The following PTCHD1 variants were observed in gnomAD, a reference collection of about 807,000 sequenced individuals.
PTCHD1 encodes the protein patched domain containing 1.
In PTCHD1, 3 loss-of-function variants were observed where a neutral mutation model predicts 34.6. The observed-to-expected ratio is 0.09, with a 90% confidence interval of 0.04 to 0.22. The LOEUF (loss-of-function observed/expected upper bound fraction) is 0.22. PTCHD1 is among the 10% of genes least tolerant of loss of function. The pLI, the probability that PTCHD1 is intolerant of heterozygous loss-of-function variation, is 1.00. For synonymous variants in PTCHD1, 305 were observed against 283.1 expected (o/e 1.08, Z -0.77); for missense variants, 504 against 685.5 (o/e 0.74, Z 2.96).
At chrX:23,352,255 T>C (rs1386749364) in intron 1 of PTCHD1, among the ~76,000 whole-genome samples, 1 of 111,842 alleles carries the variant, frequency 8.9e-6, no homozygotes, top group Admixed American at 9.5e-5. Context: ...AAAATGAGTC[T>C]TGTCAAGTGC....
chrX:23,353,149 G>T (rs1421988303), intron 1 of PTCHD1, among the ~76,000 whole-genome samples: 1 of 112,432 alleles, frequency 8.9e-6, no homozygotes, highest in Non-Finnish European at 1.9e-5. Context: ...TCCAAATAAG[G>T]CCTGTCACAC....
chrX:23,379,501 G>A, intron 1 of PTCHD1, 90 bp from the exon 2 acceptor site: 1 of 938,782 alleles, frequency 1.1e-6, no homozygotes, highest in Non-Finnish European at 1.5e-6. Context: ...GATTTGAACT[G>A]TTTAGCTTAG....
chrX:23,369,519 G>GA (rs2146633731), intron 1 of PTCHD1, among the ~76,000 whole-genome samples: 1 of 111,540 alleles, frequency 9.0e-6, no homozygotes, highest in East Asian at 2.8e-4. Flanking sequence ...TTGTGGCCAT[G>GA]GACAAGTTAT....
intron 1 of PTCHD1, among the ~76,000 whole-genome samples, chrX:23,341,133 A>G (rs1921298147): frequency 8.9e-6 from 1 of 112,197 alleles, no homozygotes; most frequent in Non-Finnish European, 1.9e-5. Context: ...ATTTGAGACA[A>G]ACTTTGATTA....
intron 1 of PTCHD1, among the ~76,000 whole-genome samples, chrX:23,375,243 A>G (rs375200478): frequency 1.5e-4 from 17 of 109,811 alleles, no homozygotes; most frequent in African/African-American, 4.0e-4. Context: ...CCATAGCTCA[A>G]TCATATCCAC....
rs1442251506 is a variant in PTCHD1, at chrX:23,380,356, A to G, written c.1012+105A>G. ...TAACAACTTTGTTTCATTTAACAGT[A>G]TCTTCATTTTGCCCAAAAGTCCTGG... is the stretch of plus-strand genomic sequence containing the variant. On this transcript the variant is annotated intron_variant, in intron 2 of 2. Transcript: ENST00000379361. The G allele has an allele frequency of 3.7e-6, 3 of 812,408 alleles. No individual in the cohort carries two copies. In the African/African-American group the frequency reaches 6.1e-5, roughly 16 times the overall value. 67.0% of individuals were successfully genotyped at this position (812,408 alleles called of 1,213,427 possible). A position where few individuals can be genotyped will look rare whatever the true frequency, so the allele number is the denominator to read the frequency against.
chrX:23,378,689 A>G (rs1159454831), intron 1 of PTCHD1, among the ~76,000 whole-genome samples: 1 of 112,046 alleles, frequency 8.9e-6, no homozygotes, highest in African/African-American at 3.2e-5. Flanking sequence ...TGTAAAATGA[A>G]GCTAGTACTT....
chrX:23,345,326 G>A (rs760002716), intron 1 of PTCHD1, among the ~76,000 whole-genome samples: 16 of 112,158 alleles, frequency 1.4e-4, no homozygotes, highest in African/African-American at 5.2e-4. Flanking sequence ...GGGAATTTCA[G>A]CATGCAGATT....
rs1475775970 is a variant in PTCHD1, at chrX:23,403,679, T to G, written c.*9494T>G. The stretch of plus-strand genomic sequence containing the variant: ...AAGCCTAGATGTTTCTACTGCTTAT[T>G]TGCAGTATCTACAGGGGAATGGTTC... On this transcript the variant is annotated 3_prime_UTR_variant, in exon 3 of 3. Coordinates refer to ENST00000379361, the MANE Select transcript of PTCHD1 (RefSeq NM_173495.3). 9.0e-6 allele frequency: 1 copy of G among 111,574 alleles called. No individual in the cohort carries two copies. Among genetic ancestry groups the G allele is most frequent in the Non-Finnish European group, 1.9e-5 (1 of 53,115 alleles). The allele number at this position is 111,574 out of a possible 1,213,427, so 9.2% of individuals were successfully genotyped here.
At position 23,392,389 on chromosome X, in the gene PTCHD1, A is replaced by G; in HGVS notation, c.1013-142A>G. On this transcript the variant is annotated intron_variant, in intron 2 of 2. Coordinates refer to ENST00000379361, the MANE Select transcript of PTCHD1 (RefSeq NM_173495.3). ...ACATGGGTCTATCTCCGCATAGGAG[A>G]AATCATTGGCATTTACATACCCGTC... The G allele has an allele frequency of 3.9e-6, 2 of 506,681 alleles. 1 individual carries two copies. The highest frequency in any genetic ancestry group is 5.3e-5 in the South Asian group (2 of 37,555). The allele number at this position is 506,681 out of a possible 1,213,427, so 41.8% of individuals were successfully genotyped here.
rs752467614 is a variant in PTCHD1 at position 23,358,242 on chromosome X, C to T, written c.352-21349C>T. ...CCCTGAGGAATCACCACACTGACTT[C>T]CACAATGATTGAACTAGTTTACACT... On this transcript the variant is annotated intron_variant, in intron 1 of 2. Transcript: ENST00000379361. 3.6e-5 allele frequency among the ~76,000 whole-genome samples: 4 copies of T among 112,210 alleles called. No homozygotes were observed. The South Asian group carries it at 1.1e-3, about 31-fold the overall frequency.
intron 2 of PTCHD1, among the ~76,000 whole-genome samples, chrX:23,385,667 C>G (rs1052100256): frequency 5.4e-5 from 6 of 111,717 alleles, no homozygotes; most frequent in Non-Finnish European, 7.5e-5. Flanking sequence ...CAAGGAAACC[C>G]TGCATTTCAC....
intron 1 of PTCHD1, among the ~76,000 whole-genome samples, chrX:23,343,620 T>A (rs1921401379): frequency 8.9e-6 from 1 of 112,282 alleles, no homozygotes; most frequent in South Asian, 3.7e-4. Context: ...TCTTAAAAGT[T>A]AGCCCAGAGG....
intron 1 of PTCHD1, among the ~76,000 whole-genome samples, chrX:23,375,665 G>A (rs1218999772): frequency 9.0e-6 from 1 of 111,691 alleles, no homozygotes; most frequent in Non-Finnish European, 1.9e-5. Context: ...TCCTGCTGTG[G>A]AGTAAGACTT....
chrX:23,358,591 A>G (rs968287320), intron 1 of PTCHD1, among the ~76,000 whole-genome samples: 1 of 111,731 alleles, frequency 9.0e-6, no homozygotes, highest in Middle Eastern at 4.2e-3. Flanking sequence ...CTCCCATTCT[A>G]TAGGTTGCCT....
At chrX:23,381,119 G>A (rs1231263857) in intron 2 of PTCHD1, among the ~76,000 whole-genome samples, 1 of 80,625 alleles carries the variant, frequency 1.2e-5, no homozygotes, top group Non-Finnish European at 3.1e-5. Flanking sequence ...GATACCAGTA[G>A]GAAGTAACTT....
rs1262459760 is a variant in PTCHD1 at position 23,399,088 on chromosome X, T to A, written c.*4903T>A. The A allele has an allele frequency of 9.0e-6, 1 of 111,245 alleles. No homozygotes were observed. Among genetic ancestry groups the A allele is most frequent in the African/African-American group, 3.3e-5 (1 of 30,541 alleles). The allele number at this position is 111,245 out of a possible 1,213,427, so 9.2% of individuals were successfully genotyped here. ...AGCAGAGAAAGCTTGGTGGAAGAAG[T>A]GATGTTCTTGTGGAATGTGCCAGCA... is the stretch of plus-strand genomic sequence containing the variant. On this transcript the variant is annotated 3_prime_UTR_variant, in exon 3 of 3. Transcript: ENST00000379361.
intron 1 of PTCHD1, among the ~76,000 whole-genome samples, chrX:23,368,161 A>T (rs1303547300): frequency 8.9e-6 from 1 of 111,931 alleles, no homozygotes; most frequent in Non-Finnish European, 1.9e-5. Context: ...ATAAAAGGAA[A>T]TATGAAAAAC....
At chrX:23,366,148 C>G (rs994761946) in intron 1 of PTCHD1, among the ~76,000 whole-genome samples, 2 of 112,203 alleles carry the variant, frequency 1.8e-5, no homozygotes, top group African/African-American at 6.5e-5. Context: ...CTGTCTCCTT[C>G]AAGCTAGTAT....
Sources: gnomAD v4.1 joint callset for allele counts (sites outside exome capture counted in the v4.1 genomes callset) on GRCh38, gnomAD v4.1.1 for gene constraint, MANE v1.5 for transcripts, NCBI Gene and HGNC (gene_info 2026-07-23, HGNC 2026-07-21) for gene names.